Variants in COPB1 observed in about 807,000 individuals in gnomAD.
COPB1 encodes coatomer subunit beta.
A neutral mutation model predicts 108.7 loss-of-function variants in COPB1; 21 were observed. That is an observed-to-expected ratio of 0.19 (90% confidence interval 0.14 to 0.28). The LOEUF is 0.28. Ranked by LOEUF, COPB1 falls within the 10% of genes least tolerant of loss-of-function variation. The probability of loss-of-function intolerance (pLI) is 1.00; values close to 1 mark genes in which losing one functional copy is unlikely to be tolerated. For synonymous variants in COPB1, 378 were observed against 386.8 expected, an observed-to-expected ratio of 0.98 and a Z score of 0.27; for missense variants, 919 against 1,141.3, an observed-to-expected ratio of 0.81 and a Z score of 2.81.
chr11:14,490,787 T>G, intron 4 of COPB1, 108 bp from the exon 5 acceptor site: 5 of 638,034 alleles, frequency 7.8e-6, no homozygotes, highest in Non-Finnish European at 1.3e-5. Context: ...TACAACATAC[T>G]TTTGCTTTTT....
At chr11:14,492,025 T>C (rs1037903680) in intron 4 of COPB1, among the ~76,000 whole-genome samples, 7 of 152,230 alleles carry the variant, frequency 4.6e-5, no homozygotes, top group African/African-American at 1.7e-4. Context: ...TAGCTAGTTT[T>C]GTTTCATCTA....
In COPB1 at chr11:14,498,934, C is replaced by G; in HGVS notation, c.-6G>C. The G allele has an allele frequency of 6.2e-7, 1 of 1,602,842 alleles. No homozygotes were observed. On this transcript the variant is annotated 5_prime_UTR_variant, in exon 2 of 22. Transcript: ENST00000439561. ...ACGTTCTCAGCCGCCGTCATGGTTT[C>G]TGGTTATATTATAACCAATCCTTGA...
intron 7 of COPB1, among the ~76,000 whole-genome samples, chr11:14,484,233 C>A (rs1156661151): frequency 6.6e-6 from 1 of 152,126 alleles, no homozygotes; most frequent in East Asian, 1.9e-4. Flanking sequence ...TACGATATGA[C>A]CACTGCATAC....
At chr11:14,467,652 G>T (rs1850313087) in intron 16 of COPB1, among the ~76,000 whole-genome samples, 1 of 152,144 alleles carries the variant, frequency 6.6e-6, no homozygotes, top group Non-Finnish European at 1.5e-5. Flanking sequence ...ATCCAGGGAT[G>T]GATATATGGA....
rs531870435 is a variant in COPB1, at chr11:14,497,621, G to A, written c.91+1217C>T. ...TGTAAACTAGTATACCCACTATGGA[G>A]AACAGTTTGGAGGGTCCTCAAAAAA... On this transcript the variant is annotated intron_variant, in intron 2 of 21. Coordinates refer to ENST00000439561, the MANE Select transcript of COPB1 (RefSeq NM_001144061.2). Among the ~76,000 whole-genome samples the A allele has an allele frequency of 2.7e-3, 414 of 152,262 alleles. 2 individuals are homozygous for A. Among genetic ancestry groups the A allele is most frequent in the Admixed American group, 4.6e-3 (70 of 15,294 alleles).
intron 6 of COPB1, among the ~76,000 whole-genome samples, chr11:14,487,490 CAT>C (rs1232856363): frequency 6.6e-6 from 1 of 152,066 alleles, no homozygotes; most frequent in Non-Finnish European, 1.5e-5. Flanking sequence ...GCCTGGCCAA[CAT>C]GGTGAAACCC....
chr11:14,488,947 T>C (rs1396620499), intron 5 of COPB1, among the ~76,000 whole-genome samples: 1 of 152,194 alleles, frequency 6.6e-6, no homozygotes, highest in Non-Finnish European at 1.5e-5. Flanking sequence ...TGTGTCCTCA[T>C]ATATTGGACA....
At chr11:14,481,147 G>T (rs1171960415) in intron 8 of COPB1, 50 bp from the exon 9 acceptor site, 3 of 1,430,550 alleles carry the variant, frequency 2.1e-6, no homozygotes, top group Non-Finnish European at 2.9e-6. Context: ...TCTGGTCACA[G>T]GAAAAAAATC....
chr11:14,493,271 G>A (rs991713543), intron 4 of COPB1, among the ~76,000 whole-genome samples: 1 of 152,108 alleles, frequency 6.6e-6, no homozygotes, highest in Admixed American at 6.5e-5. Context: ...TAAAAAGACC[G>A]ACATTCCACA....
chr11:14,479,103 A>G (rs1850599105), intron 11 of COPB1: 1 of 152,100 alleles, frequency 6.6e-6, no homozygotes, highest in Non-Finnish European at 1.5e-5. Flanking sequence ...TTCCTTCCTG[A>G]GACATATTTC....
chr11:14,487,681 A>C (rs970536173), intron 6 of COPB1, among the ~76,000 whole-genome samples: 1 of 151,146 alleles, frequency 6.6e-6, no homozygotes, highest in African/African-American at 2.5e-5. Context: ...CCCAAAAAAA[A>C]CAAAAAACAA....
In COPB1 at chr11:14,494,102, C is replaced by T. The variant is rs1850967678; in HGVS notation, c.321+108G>A. ...CTTTTACAATTCCAAATCTCTACAACTTACATCTTATCAAAGACTCAATTT... is the reference window on the plus strand; with the variant it reads ...CTTTTACAATTCCAAATCTCTACAATTTACATCTTATCAAAGACTCAATTT... On this transcript the variant is annotated intron_variant, in intron 3 of 21. Coordinates refer to ENST00000439561, the MANE Select transcript of COPB1 (RefSeq NM_001144061.2). The T allele has an allele frequency of 5.1e-6, 4 of 787,798 alleles. No individual in the cohort carries two copies. In the East Asian group the frequency reaches 1.1e-4, roughly 21 times the overall value. 48.8% of individuals were successfully genotyped at this position (787,798 alleles called of 1,614,324 possible).
In COPB1 at chr11:14,457,584, G is replaced by C. The variant is rs1850056053; in HGVS notation, c.*240C>G. The C allele has an allele frequency of 3.0e-6, 1 of 333,340 alleles. No homozygotes were observed. The highest frequency in any genetic ancestry group is 4.5e-5 in the South Asian group (1 of 21,990). The allele number at this position is 333,340 out of a possible 1,614,324, so 20.6% of individuals were successfully genotyped here. A position where few individuals can be genotyped will look rare whatever the true frequency, so the allele number is the denominator to read the frequency against. On this transcript the variant is annotated 3_prime_UTR_variant, in exon 22 of 22. Coordinates refer to ENST00000439561, the MANE Select transcript of COPB1 (RefSeq NM_001144061.2). ...AGATCTGTTTATTGTACTGTGAAAA[G>C]GGTCTTGGTACATGAAACATTATAT...
At position 14,458,518 on chromosome 11, in the gene COPB1, AAAGG is replaced by A. The variant is rs753499119; in HGVS notation, c.2802+10_2802+13del. The A allele has an allele frequency of 4.4e-6, 7 of 1,597,262 alleles. No individual in the cohort carries two copies. In the South Asian group the frequency reaches 8.0e-5, roughly 18 times the overall value. ...TCAGTCCAGAGATACTCTCAAAAAAAAAGGAACTGTTACCTGGCTCTTTGCACGA... is the reference window on the plus strand; with the variant it reads ...TCAGTCCAGAGATACTCTCAAAAAAAAACTGTTACCTGGCTCTTTGCACGA... On this transcript the variant is annotated intron_variant, in intron 21 of 21. Transcript: ENST00000439561.
intron 15 of COPB1, 139 bp from the exon 16 acceptor site, chr11:14,468,999 CTTTTT>C: frequency 2.7e-6 from 2 of 743,554 alleles, no homozygotes; most frequent in East Asian, 2.6e-5. Flanking sequence ...CTTTTCTTTT[CTTTTT>C]TTTCTTCCTG....
intron 16 of COPB1, among the ~76,000 whole-genome samples, chr11:14,467,519 C>T (rs1477391618): frequency 6.6e-6 from 1 of 152,116 alleles, no homozygotes; most frequent in African/African-American, 2.4e-5. Context: ...TCATATGATC[C>T]AGCAATTCTG....
chr11:14,486,233 C>G (rs1484788360), intron 7 of COPB1, 134 bp downstream of exon 7: 1 of 1,047,314 alleles, frequency 9.5e-7, no homozygotes, highest in African/African-American at 1.6e-5. Flanking sequence ...TGTAAGGCAT[C>G]AAATAATTTT....
At position 14,465,032 on chromosome 11, in the gene COPB1, TGAAA is replaced by T. The variant is rs768703574; in HGVS notation, c.2291-6_2291-3del. 35 of 1,587,112 alleles carry T rather than the reference TGAAA, an allele frequency of 2.2e-5. No individual in the cohort carries two copies. The highest frequency in any genetic ancestry group is 1.1e-4 in the South Asian group (10 of 90,448). On this transcript the variant is annotated splice_region_variant and splice_polypyrimidine_tract_variant and intron_variant, in intron 17 of 21. Coordinates refer to ENST00000439561, the MANE Select transcript of COPB1 (RefSeq NM_001144061.2). ...GCTTTTCCACAAGTTTCAGATCCCC[TGAAA>T]GAAAGAGTTTGGATATGGTTAAAAA...
Position 14,458,720 on chromosome 11 carries a change from A to C in COPB1, c.2647-33T>G, listed in dbSNP as rs758088945. The stretch of plus-strand genomic sequence containing the variant: ...AAATTTGTGATAAATTCATTACTTT[A>C]CCAGATACCTACATAGAGGCAAAAA... On this transcript the variant is annotated intron_variant, in intron 20 of 21. Transcript: ENST00000439561. 10 of 1,592,844 alleles carry C rather than the reference A, an allele frequency of 6.3e-6. No homozygotes were observed. In the Middle Eastern group the frequency reaches 1.5e-3, roughly 245 times the overall value.
Sources: gnomAD v4.1 joint callset for allele counts (sites outside exome capture counted in the v4.1 genomes callset) on GRCh38, gnomAD v4.1.1 for gene constraint, MANE v1.5 for transcripts, NCBI Gene and HGNC (gene_info 2026-07-23, HGNC 2026-07-21) for gene names.